Variants in EFCC1 observed in about 807,000 individuals in gnomAD.
The protein encoded by EFCC1 is EF-hand and coiled-coil domain-containing protein 1.
EFCC1 carries 50 observed loss-of-function variants against 52.1 expected under a neutral mutation model. That is an observed-to-expected ratio of 0.96 (90% CI 0.76 to 1.21). EFCC1 has a LOEUF of 1.21. Among genes scored for constraint, EFCC1 ranks in the 50% most tolerant of loss-of-function variants. The pLI is 0.00. For missense variants in EFCC1, 837 were observed against 867.3 expected, an observed-to-expected ratio of 0.97 and a Z score of 0.44; for synonymous variants, 399 against 396.5, an observed-to-expected ratio of 1.01 and a Z score of -0.08.
intron 2 of EFCC1, among the ~76,000 whole-genome samples, chr3:129,018,053 AG>A (rs1286882454): frequency 6.6e-6 from 1 of 152,194 alleles, no homozygotes; most frequent in Non-Finnish European, 1.5e-5. Flanking sequence ...GCCATACAAG[AG>A]GGTCCCTGTG....
chr3:129,023,655 A>T (rs1297107622), intron 2 of EFCC1, among the ~76,000 whole-genome samples: 1 of 152,138 alleles, frequency 6.6e-6, no homozygotes, highest in Non-Finnish European at 1.5e-5. Context: ...TAAATTTAAC[A>T]ATGGTTACTA....
intron 2 of EFCC1, among the ~76,000 whole-genome samples, chr3:129,008,311 T>C (rs999569528): frequency 2.6e-4 from 39 of 152,202 alleles, no homozygotes; most frequent in Non-Finnish European, 4.9e-4. Flanking sequence ...CTATGCAAGG[T>C]CTCCTGTCCC....
chr3:129,004,372 C>A (rs34643992), intron 2 of EFCC1, among the ~76,000 whole-genome samples: 32,202 of 105,518 alleles, frequency 0.31, 5,683 homozygotes, highest in African/African-American at 0.56. Flanking sequence ...TCACTCACCC[C>A]CCCCACCCAC....
At chr3:129,021,781 T>C (rs1945854135) in intron 2 of EFCC1, among the ~76,000 whole-genome samples, 1 of 152,242 alleles carries the variant, frequency 6.6e-6, no homozygotes, top group Non-Finnish European at 1.5e-5. Flanking sequence ...GGTTAAAGTA[T>C]CTGAAAATTT....
chr3:129,029,942 T>G (rs1258138542), intron 2 of EFCC1, among the ~76,000 whole-genome samples: 2 of 151,064 alleles, frequency 1.3e-5, no homozygotes, highest in Non-Finnish European at 2.9e-5. Context: ...CCCAACACTT[T>G]GTGAGGCCGA....
In EFCC1 at chr3:129,034,146, C is replaced by T. The variant is rs374178406; in HGVS notation, c.1287-18C>T. 1.7e-5 allele frequency: 27 copies of T among 1,613,956 alleles called. No homozygotes were observed. The African/African-American group carries it at 3.5e-4, about 21-fold the overall frequency. On this transcript the variant is annotated intron_variant, in intron 4 of 7. Coordinates refer to ENST00000683648, the MANE Select transcript of EFCC1 (RefSeq NM_001377500.1). Reference sequence around the variant, plus strand: ...GGGAAGCAGCCCCCTGCAATGCGGGCCCTCTCCTTTGCTGCAGGTGTGATG... The same window carrying T: ...GGGAAGCAGCCCCCTGCAATGCGGGTCCTCTCCTTTGCTGCAGGTGTGATG...
chr3:129,014,844 G>A lies in EFCC1; in HGVS notation c.980+10767G>A, dbSNP rs951349871. On this transcript the variant is annotated intron_variant, in intron 2 of 7. Coordinates refer to ENST00000683648, the MANE Select transcript of EFCC1 (RefSeq NM_001377500.1). This position sits in a 1 kb window ranked among gnomAD's most constrained non-coding sequence, Gnocchi z 4.3. ...GGTTGGAGCCAGCCTGGATGCCGAG[G>A]GGCCAGTGAGGAGGGGCCAGTGAGG... is the stretch of plus-strand genomic sequence containing the variant. Among the ~76,000 whole-genome samples, 2 of 152,102 alleles carry A rather than the reference G, an allele frequency of 1.3e-5. No individual in the cohort carries two copies. The highest frequency in any genetic ancestry group is 4.8e-5 in the African/African-American group (2 of 41,378).
chr3:129,017,469 C>A (rs1945637930), intron 2 of EFCC1, among the ~76,000 whole-genome samples: 1 of 152,248 alleles, frequency 6.6e-6, no homozygotes, highest in Non-Finnish European at 1.5e-5. Context: ...GAAAGCAAGG[C>A]ACCCTTGGCC....
chr3:129,030,456 T>A, intron 2 of EFCC1: 2 of 336,782 alleles, frequency 5.9e-6, no homozygotes, highest in East Asian at 9.1e-5. Flanking sequence ...TTTTTTTTTA[T>A]AAGGATGAAA....
chr3:129,008,684 C>T (rs901507149), intron 2 of EFCC1, among the ~76,000 whole-genome samples: 1 of 152,224 alleles, frequency 6.6e-6, no homozygotes, highest in Non-Finnish European at 1.5e-5. Flanking sequence ...CACAAAGGAG[C>T]TCCTGCTGCT....
chr3:129,003,436 G>C (rs1576691884), intron 1 of EFCC1: 1 of 307,700 alleles, frequency 3.2e-6, no homozygotes, highest in Non-Finnish European at 4.7e-6. Flanking sequence ...TAGGAGATGA[G>C]GAACCGCCAC....
chr3:129,015,093 C>T (rs867943633), intron 2 of EFCC1, among the ~76,000 whole-genome samples: 9 of 152,210 alleles, frequency 5.9e-5, no homozygotes, highest in Non-Finnish European at 1.0e-4. Context: ...CCAGATCCCA[C>T]CTCGGGCTCG....
chr3:129,034,174 C>A lies in EFCC1; in HGVS notation c.1297C>A (p.Gln433Lys), dbSNP rs772767834. ...LSSCRGRCDDQTAEKLMTYFG... is the reference protein window; with the variant it reads ...LSSCRGRCDDKTAEKLMTYFG... ...TCTCCTTTGCTGCAGGTGTGATGAC[C>A]AGACGGCGGAGAAGCTCATGACTTA... is the stretch of plus-strand genomic sequence containing the variant. Residue 433 changes from glutamine to lysine, a missense_variant, in exon 5 of 8, where the codon CAG (glutamine) becomes AAG (lysine). Coordinates refer to ENST00000683648, the MANE Select transcript of EFCC1 (RefSeq NM_001377500.1). The A allele has an allele frequency of 6.8e-6, 11 of 1,614,226 alleles. No homozygotes were observed. Among genetic ancestry groups the A allele is most frequent in the Middle Eastern group, 3.3e-4 (2 of 6,062 alleles).
At chr3:129,022,221 T>G (rs922856) in intron 2 of EFCC1, among the ~76,000 whole-genome samples, 4,982 of 152,274 alleles carry the variant, frequency 0.033, 270 homozygotes, top group African/African-American at 0.11. Flanking sequence ...TTCATCCTCA[T>G]AGGACCGCCA....
rs1946257704 is a variant in EFCC1, at chr3:129,030,849, C to T, written c.1127C>T (p.Ala376Val). 7 of 1,550,898 alleles carry T rather than the reference C, an allele frequency of 4.5e-6. No individual in the cohort carries two copies. The highest frequency in any genetic ancestry group is 6.1e-6 in the Non-Finnish European group (7 of 1,146,656). ...WQSDSSSGSR[A>V]LDEAVDEQLF... ...TCAGACAGCAGCTCTGGAAGCAGAG[C>T]CCTGGATGAAGGTTTGTCCCCTGTG... Residue 376 changes from alanine to valine, a missense_variant, in exon 3 of 8, where the codon GCC becomes GTC. Coordinates refer to ENST00000683648, the MANE Select transcript of EFCC1 (RefSeq NM_001377500.1).
intron 2 of EFCC1, among the ~76,000 whole-genome samples, chr3:129,009,702 G>T (rs1348647110): frequency 6.6e-6 from 1 of 152,210 alleles, no homozygotes; most frequent in Non-Finnish European, 1.5e-5. Context: ...CCTCTCTGGA[G>T]CTCGCAGCCC....
intron 2 of EFCC1, among the ~76,000 whole-genome samples, chr3:129,022,645 T>G (rs1341974361): frequency 6.6e-6 from 1 of 152,108 alleles, no homozygotes; most frequent in Non-Finnish European, 1.5e-5. Context: ...CTCTGGGGTC[T>G]GCCAGGAAGT....
At chr3:129,004,450 C>T (rs1472287625) in intron 2 of EFCC1, among the ~76,000 whole-genome samples, 2 of 146,744 alleles carry the variant, frequency 1.4e-5, no homozygotes, top group Non-Finnish European at 3.0e-5. Flanking sequence ...CACCTACCCA[C>T]CCGTCCATCC....
In EFCC1 at chr3:129,019,941, G is replaced by A. The variant is rs1031727021; in HGVS notation, c.981-10762G>A. ...CCACCACCACGCCCGGCTAATTTTTGTATTTTTAGTAGAGACAGGTTTTCA... is the reference window on the plus strand; with the variant it reads ...CCACCACCACGCCCGGCTAATTTTTATATTTTTAGTAGAGACAGGTTTTCA... On this transcript the variant is annotated intron_variant, in intron 2 of 7. Transcript: ENST00000683648. 2.0e-5 allele frequency among the ~76,000 whole-genome samples: 3 copies of A among 151,638 alleles called. No individual in the cohort carries two copies. The East Asian group carries it at 5.8e-4, about 29-fold the overall frequency.
Sources: allele counts gnomAD v4.1 joint callset (sites outside exome capture counted in the v4.1 genomes callset), GRCh38; gene constraint gnomAD v4.1.1; non-coding constraint Gnocchi (gnomAD v3.1); transcripts MANE v1.5; gene names NCBI Gene and HGNC (gene_info 2026-07-23, HGNC 2026-07-21).